NSD1: variants seen among roughly 807,000 people sequenced by gnomAD.
NSD1 encodes histone-lysine N-methyltransferase, H3 lysine-36 specific.
Under a neutral mutation model 242.7 loss-of-function variants are expected in NSD1, and 26 were observed. The ratio of observed to expected loss-of-function variants is 0.11; its 90% CI spans 0.08 to 0.15. NSD1 has a LOEUF of 0.15. Ranked by LOEUF, NSD1 falls within the 10% of genes least tolerant of loss-of-function variation. The pLI is 1.00. For synonymous variants in NSD1, 1,106 were observed against 1,178.1 expected (o/e 0.94, Z 1.25); for missense variants, 2,495 against 3,272.8 (o/e 0.76, Z 5.80).
chr5:177,198,418 A>G (rs1278889896), intron 3 of NSD1, among the ~76,000 whole-genome samples: 1 of 152,172 alleles, frequency 6.6e-6, no homozygotes, highest in Non-Finnish European at 1.5e-5. Flanking sequence ...TGACTTGTAG[A>G]TAACCACCTT....
chr5:177,220,232 C>T (rs10058845), intron 5 of NSD1, among the ~76,000 whole-genome samples: 11,941 of 152,138 alleles, frequency 0.078, 983 homozygotes, highest in African/African-American at 0.21. Flanking sequence ...AGGTGAATTA[C>T]GTATTTGCAA....
intron 4 of NSD1, among the ~76,000 whole-genome samples, chr5:177,207,266 A>G (rs1263880008): frequency 1.4e-5 from 2 of 142,350 alleles, no homozygotes; most frequent in Non-Finnish European, 3.1e-5. Context: ...GTAATTATTT[A>G]TTTTTTAATT....
At chr5:177,213,696 C>T (rs1039190498) in intron 5 of NSD1, among the ~76,000 whole-genome samples, 2 of 152,140 alleles carry the variant, frequency 1.3e-5, no homozygotes, top group African/African-American at 2.4e-5. Context: ...GGTCTCTGAT[C>T]TCCTGACCTT....
chr5:177,265,519 C>G, intron 14 of NSD1: 2 of 722,786 alleles, frequency 2.8e-6, no homozygotes, highest in Non-Finnish European at 4.7e-6. Flanking sequence ...GCCCCACAAC[C>G]GTCTAGGAAT....
intron 2 of NSD1, among the ~76,000 whole-genome samples, chr5:177,170,131 G>A (rs374693524): frequency 1.2e-3 from 176 of 151,526 alleles, no homozygotes; most frequent in Non-Finnish European, 1.9e-3. Flanking sequence ...CACCACGCCC[G>A]GCTAATTTTT....
intron 5 of NSD1, among the ~76,000 whole-genome samples, chr5:177,221,690 C>T (rs1166291295): frequency 2.0e-5 from 3 of 151,952 alleles, no homozygotes; most frequent in Non-Finnish European, 2.9e-5. Context: ...AGGCTGGACT[C>T]GAACTCCTGA....
intron 2 of NSD1, among the ~76,000 whole-genome samples, chr5:177,150,041 A>G (rs144587740): frequency 0.019 from 2,930 of 152,192 alleles, 43 homozygotes; most frequent in Non-Finnish European, 0.033. Flanking sequence ...AGTTCAAGTG[A>G]TTCTCCTGCC....
rs149313418 is a variant in NSD1 at position 177,293,387 on chromosome 5, T to C, written c.6464-445T>C. ...TTTATATCTTTTCTATTACTGTTAA[T>C]AGCAAATAAGCAGGAATCTAAATCA... is the stretch of plus-strand genomic sequence containing the variant. On this transcript the variant is annotated intron_variant, in intron 22 of 22. Coordinates refer to ENST00000439151, the MANE Select transcript of NSD1 (RefSeq NM_022455.5). Among the ~76,000 whole-genome samples, 118 of 152,296 alleles carry C rather than the reference T, an allele frequency of 7.7e-4. No homozygotes were observed. The East Asian group carries it at 0.017, about 22-fold the overall frequency.
intron 2 of NSD1, among the ~76,000 whole-genome samples, chr5:177,146,473 G>A (rs1417318419): frequency 6.6e-6 from 1 of 151,738 alleles, no homozygotes; most frequent in Non-Finnish European, 1.5e-5. Context: ...CAAAGTGTTG[G>A]GATTACAGGC....
chr5:177,200,164 C>T (rs1017941877), intron 3 of NSD1, among the ~76,000 whole-genome samples: 2 of 152,062 alleles, frequency 1.3e-5, no homozygotes, highest in Admixed American at 6.5e-5. Flanking sequence ...GATCTCAGCT[C>T]ACTGCAACCT....
chr5:177,185,826 A>T (rs1381138510), intron 2 of NSD1, among the ~76,000 whole-genome samples: 1 of 91,532 alleles, frequency 1.1e-5, no homozygotes, highest in South Asian at 2.6e-4. Flanking sequence ...TATATAATAT[A>T]TAAGTTTTAT....
intron 3 of NSD1, among the ~76,000 whole-genome samples, chr5:177,200,217 A>G (rs1045285655): frequency 6.6e-6 from 1 of 151,974 alleles, no homozygotes; most frequent in African/African-American, 2.4e-5. Context: ...CAGCCTCCTG[A>G]GTAGCTGGGA....
At chr5:177,160,991 C>T (rs1432462243) in intron 2 of NSD1, among the ~76,000 whole-genome samples, 1 of 152,036 alleles carries the variant, frequency 6.6e-6, no homozygotes, top group Non-Finnish European at 1.5e-5. Flanking sequence ...CTAGTCTCAA[C>T]TTCTGGACCT....
intron 2 of NSD1, among the ~76,000 whole-genome samples, chr5:177,156,089 C>T (rs1758109299): frequency 1.3e-5 from 2 of 149,964 alleles, no homozygotes; most frequent in South Asian, 2.1e-4. Context: ...TAAATACCTT[C>T]GAATATGGAA....
chr5:177,230,932 G>T (rs184485341), intron 5 of NSD1, among the ~76,000 whole-genome samples: 165 of 152,224 alleles, frequency 1.1e-3, no homozygotes, highest in African/African-American at 3.9e-3. Flanking sequence ...TGTGTGAGGG[G>T]GTTAGTGATG....
At position 177,268,211 on chromosome 5, in the gene NSD1, G is replaced by A. The variant is rs191353806; in HGVS notation, c.5303+493G>A. ...GCAACTTCAAACTCCTGGGCTTAAG[G>A]GATCCTGCCGCCTCAGCCTCCTGAG... On this transcript the variant is annotated intron_variant, in intron 15 of 22. Coordinates refer to ENST00000439151, the MANE Select transcript of NSD1 (RefSeq NM_022455.5). Among the ~76,000 whole-genome samples, 6 of 151,244 alleles carry A rather than the reference G, an allele frequency of 4.0e-5. No individual in the cohort carries two copies. In the East Asian group the frequency reaches 1.2e-3, roughly 30 times the overall value.
intron 20 of NSD1, among the ~76,000 whole-genome samples, chr5:177,285,306 G>GT (rs1346112792): frequency 6.6e-6 from 1 of 152,052 alleles, no homozygotes; most frequent in East Asian, 1.9e-4. Context: ...GTTCACGCCT[G>GT]TAATCCCAGC....
chr5:177,163,454 C>T (rs1028753884), intron 2 of NSD1, among the ~76,000 whole-genome samples: 1 of 151,996 alleles, frequency 6.6e-6, no homozygotes, highest in African/African-American at 2.4e-5. Flanking sequence ...AAATTTCTTA[C>T]GTAGAAAGGC....
At chr5:177,190,495 G>T (rs1479711549) in intron 2 of NSD1, among the ~76,000 whole-genome samples, 3 of 151,686 alleles carry the variant, frequency 2.0e-5, no homozygotes, top group African/African-American at 7.3e-5. Flanking sequence ...TCGCTGTGTT[G>T]GCCAGGCTGA....
Sources: gnomAD v4.1 joint callset for allele counts (sites outside exome capture counted in the v4.1 genomes callset) on GRCh38, gnomAD v4.1.1 for gene constraint, MANE v1.5 for transcripts, NCBI Gene and HGNC (gene_info 2026-07-23, HGNC 2026-07-21) for gene names.